The following KIF6 variants were observed in gnomAD, a reference collection of about 807,000 sequenced individuals.
KIF6 encodes kinesin family member 6, also known as kinesin-like protein KIF6.
KIF6 carries 106 observed loss-of-function variants against 112.7 expected under a neutral mutation model. The observed-to-expected ratio is 0.94, with a 90% CI of 0.80 to 1.11. KIF6 has a LOEUF of 1.11. KIF6 is among the 50% of genes least tolerant of loss of function. KIF6 has a pLI of 0.00. For missense variants in KIF6, 929 were observed against 964.0 expected (o/e 0.96, Z 0.48); for synonymous variants, 339 against 339.9 (o/e 1.00, Z 0.03).
intron 2 of KIF6, 185 bp from the exon 3 acceptor site, chr6:39,714,951 T>C (rs187443148): frequency 5.2e-5 from 29 of 555,770 alleles, no homozygotes; most frequent in Middle Eastern, 4.8e-4. Flanking sequence ...TGTATACAAA[T>C]GGTGGGTAAA....
chr6:39,515,569 C>G (rs908785800), intron 13 of KIF6, among the ~76,000 whole-genome samples: 13 of 152,186 alleles, frequency 8.5e-5, no homozygotes, highest in African/African-American at 3.1e-4. Flanking sequence ...AACTTTCATG[C>G]ACTATCCTAA....
chr6:39,499,695 C>T (rs1332769925), intron 13 of KIF6, among the ~76,000 whole-genome samples: 1 of 152,182 alleles, frequency 6.6e-6, no homozygotes, highest in Non-Finnish European at 1.5e-5. Flanking sequence ...ATCCTCCCTT[C>T]CCCCTTGAGC....
chr6:39,416,044 G>A (rs1031288413), intron 15 of KIF6, among the ~76,000 whole-genome samples: 3 of 152,234 alleles, frequency 2.0e-5, no homozygotes, highest in African/African-American at 7.2e-5. Context: ...TGTGATGTGA[G>A]TTTTCATTTA....
rs114412668 is a variant in KIF6, at chr6:39,651,384, G to A, written c.252-11627C>T. Among the ~76,000 whole-genome samples, 385 of 152,278 alleles carry A rather than the reference G, an allele frequency of 2.5e-3. 1 individual carries two copies. Among genetic ancestry groups the A allele is most frequent in the African/African-American group, 8.2e-3 (340 of 41,566 alleles). On this transcript the variant is annotated intron_variant, in intron 3 of 22. Coordinates refer to ENST00000287152, the MANE Select transcript of KIF6 (RefSeq NM_145027.6). ...GAAGTTTGGAGAGAGACTGGAAAGC[G>A]GAAAGTTGAGCACTGCAGGATGGCG...
At chr6:39,536,744 C>T (rs1351990206) in intron 13 of KIF6, among the ~76,000 whole-genome samples, 7 of 151,716 alleles carry the variant, frequency 4.6e-5, no homozygotes, top group Admixed American at 1.3e-4. Context: ...ATACCAAAGC[C>T]GGGCAGAGAC....
At chr6:39,422,660 C>T (rs10947810) in intron 14 of KIF6, among the ~76,000 whole-genome samples, 109,431 of 151,976 alleles carry the variant, frequency 0.72, 41,968 homozygotes, top group South Asian at 0.9. Context: ...GCTAAGGACT[C>T]GGTTAGGAAA....
chr6:39,702,749 T>C (rs1788942751), intron 3 of KIF6, among the ~76,000 whole-genome samples: 1 of 152,176 alleles, frequency 6.6e-6, no homozygotes, highest in Non-Finnish European at 1.5e-5. Context: ...GTTAGACTTA[T>C]TTGCAGTGCT....
intron 14 of KIF6, among the ~76,000 whole-genome samples, chr6:39,429,922 A>G (rs1339503454): frequency 6.6e-6 from 1 of 151,640 alleles, no homozygotes; most frequent in African/African-American, 2.4e-5. Context: ...AAAAAAAATG[A>G]TTTTCATCTA....
At chr6:39,577,954 G>T in intron 10 of KIF6, 102 bp downstream of exon 10, 1 of 752,534 alleles carries the variant, frequency 1.3e-6, no homozygotes, top group Non-Finnish European at 2.2e-6. Flanking sequence ...TGTCCCAGGA[G>T]ACCTTCATGC....
intron 3 of KIF6, among the ~76,000 whole-genome samples, chr6:39,667,512 C>G (rs755418613): frequency 3.0e-4 from 46 of 152,226 alleles, no homozygotes; most frequent in Non-Finnish European, 5.9e-4. Flanking sequence ...TTGGAAACAC[C>G]CTCACAGACA....
intron 14 of KIF6, among the ~76,000 whole-genome samples, chr6:39,424,581 T>C (rs1217399617): frequency 6.6e-6 from 1 of 152,208 alleles, no homozygotes; most frequent in African/African-American, 2.4e-5. Flanking sequence ...AGACTGGAAG[T>C]CAGAGTAGGA....
intron 13 of KIF6, among the ~76,000 whole-genome samples, chr6:39,490,776 A>G (rs188853505): frequency 1.3e-5 from 2 of 152,322 alleles, no homozygotes; most frequent in Admixed American, 1.3e-4. Context: ...GTCATAAAGG[A>G]GGAAGAAAGT....
intron 6 of KIF6, among the ~76,000 whole-genome samples, chr6:39,605,603 A>G (rs538982903): frequency 6.6e-6 from 1 of 152,168 alleles, no homozygotes; most frequent in South Asian, 2.1e-4. Flanking sequence ...ATGAAAAAAA[A>G]TATATACTGT....
chr6:39,411,246 G>A (rs541121766), intron 15 of KIF6, among the ~76,000 whole-genome samples: 1 of 152,330 alleles, frequency 6.6e-6, no homozygotes, highest in East Asian at 1.9e-4. Context: ...CGCTGAGGGA[G>A]GCCTGGAGGC....
Position 39,622,934 on chromosome 6 carries a change from G to T in KIF6, c.510-9616C>A, listed in dbSNP as rs184886105. 9.2e-5 allele frequency among the ~76,000 whole-genome samples: 14 copies of T among 152,308 alleles called. No individual in the cohort carries two copies. In the East Asian group the frequency reaches 2.7e-3, roughly 29 times the overall value. The stretch of plus-strand genomic sequence containing the variant: ...CAGCAGCCCTCCCTGCCTATTTTTA[G>T]AATCTTTAAGGTGCGGTGGTGTGGG... On this transcript the variant is annotated intron_variant, in intron 5 of 22. Transcript: ENST00000287152.
At chr6:39,387,352 GGAGGTCAAACATC>G (rs1767513543) in intron 15 of KIF6, among the ~76,000 whole-genome samples, 1 of 152,142 alleles carries the variant, frequency 6.6e-6, no homozygotes, top group Admixed American at 6.5e-5. Flanking sequence ...TGCCCTTTAT[GGAGGTCAAACATC>G]ACCAGTCCTT....
chr6:39,721,270 A>T (rs1240597766), intron 1 of KIF6, among the ~76,000 whole-genome samples: 1 of 152,222 alleles, frequency 6.6e-6, no homozygotes, highest in Non-Finnish European at 1.5e-5. Context: ...GAATGCTCTA[A>T]TTCAAGTTAT....
At position 39,336,620 on chromosome 6, in the gene KIF6, G is replaced by C. The variant is rs866338222; in HGVS notation, c.2429-72C>G. On this transcript the variant is annotated intron_variant, in intron 22 of 22. Coordinates refer to ENST00000287152, the MANE Select transcript of KIF6 (RefSeq NM_145027.6). ...CTGACTTTTCCCAGGATTGAATCGG[G>C]GGGAGGGGAGGCCACCAGCCACTCC... is the stretch of plus-strand genomic sequence containing the variant. 3.9e-5 allele frequency: 55 copies of C among 1,415,180 alleles called. 2 individuals carry two copies. The Middle Eastern group carries it at 4.0e-3, about 103-fold the overall frequency. 87.7% of individuals were successfully genotyped at this position (1,415,180 alleles called of 1,614,324 possible). A position where few individuals can be genotyped will look rare whatever the true frequency, so the allele number is the denominator to read the frequency against.
intron 13 of KIF6, among the ~76,000 whole-genome samples, chr6:39,442,887 G>A (rs1484605767): frequency 1.3e-5 from 2 of 151,976 alleles, no homozygotes; most frequent in Non-Finnish European, 2.9e-5. Flanking sequence ...GCTGAGGTGG[G>A]CGGATCATGA....
Sources: allele counts gnomAD v4.1 joint callset (sites outside exome capture counted in the v4.1 genomes callset), GRCh38; gene constraint gnomAD v4.1.1; transcripts MANE v1.5; gene names NCBI Gene and HGNC (gene_info 2026-07-23, HGNC 2026-07-21).